Variants in TRAM1 observed in about 807,000 individuals in gnomAD.
TRAM1 encodes the protein translocation associated membrane protein 1, also known as translocating chain-associated membrane protein 1.
Under a neutral mutation model 48.7 loss-of-function variants are expected in TRAM1, and 17 were observed. The observed-to-expected ratio is 0.35, with a 90% CI of 0.24 to 0.52. The LOEUF (loss-of-function observed/expected upper bound fraction) is 0.52. TRAM1 is among the 20% of genes least tolerant of loss of function. The pLI is 0.94. For missense variants in TRAM1, 351 were observed against 441.5 expected (o/e 0.79, Z 1.84); for synonymous variants, 182 against 154.0 (o/e 1.18, Z -1.34).
intron 1 of TRAM1, among the ~76,000 whole-genome samples, chr8:70,606,456 A>T (rs944684758): frequency 1.3e-5 from 2 of 152,194 alleles, no homozygotes; most frequent in Non-Finnish European, 2.9e-5. Context: ...TTGGCCTCCC[A>T]AAGTGTTGGG....
intron 6 of TRAM1, among the ~76,000 whole-genome samples, chr8:70,588,750 A>G (rs192932056): frequency 2.6e-5 from 4 of 152,354 alleles, no homozygotes; most frequent in African/African-American, 4.8e-5. Context: ...ACTGACAGTG[A>G]TAAGCTCAAC....
chr8:70,583,816 C>A, intron 8 of TRAM1, 23 bp from the exon 9 acceptor site: 2 of 1,522,426 alleles, frequency 1.3e-6, no homozygotes, highest in South Asian at 2.6e-5. Context: ...GGCCGTAAGT[C>A]AAATTCCTGA....
At chr8:70,582,438 C>T (rs576399065) in intron 10 of TRAM1, among the ~76,000 whole-genome samples, 3 of 150,362 alleles carry the variant, frequency 2.0e-5, no homozygotes, top group African/African-American at 7.3e-5. Flanking sequence ...GGACTACAGG[C>T]ACCCCCCACT....
At position 70,579,735 on chromosome 8, in the gene TRAM1, C is replaced by T. The variant is rs1193526609; in HGVS notation, c.1051+3429G>A. 2.0e-5 allele frequency among the ~76,000 whole-genome samples: 3 copies of T among 152,334 alleles called. No individual in the cohort carries two copies. The East Asian group carries it at 5.8e-4, about 29-fold the overall frequency. ...AAGAGAACTGAATAAAGGGCATCTA[C>T]AGACCATTCTTAATAATGAAATACC... On this transcript the variant is annotated intron_variant, in intron 10 of 10. Coordinates refer to ENST00000262213, the MANE Select transcript of TRAM1 (RefSeq NM_014294.6).
chr8:70,604,233 T>A (rs899667915), intron 1 of TRAM1, among the ~76,000 whole-genome samples: 1 of 22,726 alleles, frequency 4.4e-5, no homozygotes, highest in African/African-American at 4.1e-4. Context: ...TGCAATGTCA[T>A]AAATACAACA....
intron 10 of TRAM1, among the ~76,000 whole-genome samples, chr8:70,578,306 G>T (rs899747639): frequency 2.0e-5 from 3 of 152,190 alleles, no homozygotes; most frequent in Non-Finnish European, 2.9e-5. Context: ...ACAGAGTTTC[G>T]TCATGTTGCC....
At chr8:70,588,639 T>C (rs190408319) in intron 6 of TRAM1, among the ~76,000 whole-genome samples, 1 of 152,264 alleles carries the variant, frequency 6.6e-6, no homozygotes, top group African/African-American at 2.4e-5. Context: ...CACATTGTAT[T>C]ATGAAAATTG....
In TRAM1 at chr8:70,573,620, G is replaced by A. The variant is rs1055021338; in HGVS notation, c.*1312C>T. On this transcript the variant is annotated 3_prime_UTR_variant, in exon 11 of 11. Coordinates refer to ENST00000262213, the MANE Select transcript of TRAM1 (RefSeq NM_014294.6). ...AAAAAGGACAATTTCCTAGCAGCAT[G>A]GCAACTTAAACTGCAGATCTAATAG... is the stretch of plus-strand genomic sequence containing the variant. 1.3e-5 allele frequency: 2 copies of A among 152,538 alleles called. No individual in the cohort carries two copies. The highest frequency in any genetic ancestry group is 2.9e-5 in the Non-Finnish European group (2 of 68,024). The allele number at this position is 152,538 out of a possible 1,614,324, so 9.4% of individuals were successfully genotyped here.
At chr8:70,594,294 A>G (rs537072457) in intron 6 of TRAM1, among the ~76,000 whole-genome samples, 1 of 146,806 alleles carries the variant, frequency 6.8e-6, no homozygotes. Flanking sequence ...AAGCTAAAAT[A>G]CTGACTGAAG....
chr8:70,577,870 G>A (rs925248509), intron 10 of TRAM1, among the ~76,000 whole-genome samples: 18 of 152,206 alleles, frequency 1.2e-4, no homozygotes, highest in African/African-American at 1.4e-4. Context: ...TCCCTGCAGC[G>A]GAAGCCGCAT....
In TRAM1 at chr8:70,574,224, T is replaced by G. The variant is rs1307325964; in HGVS notation, c.*708A>C. ...TGTTCATAGTAAATATTTTCTGATT[T>G]CCAGTTTACAAGTATTGAAAATGCA... On this transcript the variant is annotated 3_prime_UTR_variant, in exon 11 of 11. Coordinates refer to ENST00000262213, the MANE Select transcript of TRAM1 (RefSeq NM_014294.6). The G allele has an allele frequency of 2.4e-6, 1 of 410,158 alleles. No homozygotes were observed. Among genetic ancestry groups the G allele is most frequent in the South Asian group, 1.8e-5 (1 of 55,064 alleles). The allele number at this position is 410,158 out of a possible 1,614,324, so 25.4% of individuals were successfully genotyped here.
intron 6 of TRAM1, among the ~76,000 whole-genome samples, chr8:70,588,620 A>C (rs897008647): frequency 1.3e-5 from 2 of 152,170 alleles, no homozygotes; most frequent in African/African-American, 4.8e-5. Flanking sequence ...AAAATGCTAG[A>C]GTATATAGCA....
intron 9 of TRAM1, 47 bp from the exon 10 acceptor site, chr8:70,583,371 C>T (rs1229133032): frequency 6.4e-7 from 1 of 1,560,444 alleles, no homozygotes; most frequent in Non-Finnish European, 8.7e-7. Flanking sequence ...AAAACAATGC[C>T]ACTGAATACA....
rs752039252 is a variant in TRAM1, at chr8:70,583,274, T to C, written c.941A>G (p.Lys314Arg). The change falls in exon 10 of 11, where the codon AAG (lysine) becomes AGG (arginine). Residue 314 changes from lysine to arginine, a missense_variant. Transcript: ENST00000262213. ...CCTTCGAAGCTGAAAATTAATGAAC[T>C]TCCACATCATAAATGCCTGAGTAAC... ...ICVTQAFMMW[K>R]FINFQLRRWR... 4.3e-6 allele frequency: 7 copies of C among 1,613,964 alleles called. No individual in the cohort carries two copies. The highest frequency in any genetic ancestry group is 4.2e-6 in the Non-Finnish European group (5 of 1,179,968).
intron 1 of TRAM1, chr8:70,607,326 G>A: frequency 1.0e-6 from 1 of 985,142 alleles, no homozygotes; most frequent in Non-Finnish European, 1.2e-6. Flanking sequence ...TCGATTCCTT[G>A]GCACCGCTGT....
intron 10 of TRAM1, among the ~76,000 whole-genome samples, chr8:70,579,687 A>G (rs1255513626): frequency 1.3e-5 from 2 of 152,216 alleles, no homozygotes; most frequent in African/African-American, 4.8e-5. Context: ...CATGGACAAA[A>G]ACTCTTAGTA....
intron 10 of TRAM1, among the ~76,000 whole-genome samples, chr8:70,580,133 A>G (rs960446458): frequency 2.0e-5 from 3 of 152,222 alleles, no homozygotes; most frequent in African/African-American, 7.2e-5. Flanking sequence ...GCTTCTTGGC[A>G]TTTTGGCTAA....
intron 1 of TRAM1, among the ~76,000 whole-genome samples, chr8:70,601,792 A>G (rs1054778397): frequency 6.6e-6 from 1 of 152,238 alleles, no homozygotes; most frequent in Non-Finnish European, 1.5e-5. Flanking sequence ...AAAGAGTACA[A>G]GGTTATTTAT....
chr8:70,579,928 A>G (rs1586750890), intron 10 of TRAM1, among the ~76,000 whole-genome samples: 1 of 152,318 alleles, frequency 6.6e-6, no homozygotes, highest in South Asian at 2.1e-4. Context: ...AATTAGGAAG[A>G]CTTTTTTCAG....
Sources: allele counts gnomAD v4.1 joint callset (sites outside exome capture counted in the v4.1 genomes callset), GRCh38; gene constraint gnomAD v4.1.1; transcripts MANE v1.5; gene names NCBI Gene and HGNC (gene_info 2026-07-23, HGNC 2026-07-21).